Variants in GGNBP2 observed in about 807,000 individuals in gnomAD.
GGNBP2 encodes gametogenetin binding protein 2, also known as gametogenetin-binding protein 2.
A neutral mutation model predicts 85.9 loss-of-function variants in GGNBP2; 10 were observed. The ratio of observed to expected loss-of-function variants is 0.12; its 90% confidence interval spans 0.07 to 0.20. The LOEUF (loss-of-function observed/expected upper bound fraction) is 0.20, where lower values mean the gene tolerates loss of function less well. Among genes scored for constraint, GGNBP2 ranks in the 10% least tolerant of loss-of-function variants. The pLI, the probability that GGNBP2 is intolerant of heterozygous loss-of-function variation, is 1.00. For missense variants in GGNBP2, 595 were observed against 857.8 expected, an observed-to-expected ratio of 0.69 and a Z score of 3.83; for synonymous variants, 287 against 285.7, an observed-to-expected ratio of 1.00 and a Z score of -0.05.
intron 6 of GGNBP2, chr17:36,576,584 A>AAAAAAAT (rs1567830323): frequency 2.1e-5 from 1 of 47,150 alleles, no homozygotes; most frequent in African/African-American, 1.2e-4. Context: ...AAAAAAAAAA[A>AAAAAAAT]ATATATATAT....
At chr17:36,585,547 A>G (rs1473465870) in intron 10 of GGNBP2, 97 bp downstream of exon 10, 2 of 849,706 alleles carry the variant, frequency 2.4e-6, no homozygotes, top group Non-Finnish European at 3.7e-6. Flanking sequence ...CTAGAATTTT[A>G]AAACTGCTTT....
At chr17:36,561,308 G>A (rs985824132) in intron 5 of GGNBP2, among the ~76,000 whole-genome samples, 1 of 151,934 alleles carries the variant, frequency 6.6e-6, no homozygotes, top group African/African-American at 2.4e-5. Context: ...ATTTTTAGTA[G>A]ATATGGGGTT....
At chr17:36,585,987 C>T (rs2074696940) in intron 11 of GGNBP2, 22 bp downstream of exon 11, 2 of 1,613,736 alleles carry the variant, frequency 1.2e-6, no homozygotes, top group South Asian at 1.1e-5. Context: ...TTAAGTTTCC[C>T]AGTTATTTCT....
At chr17:36,579,035 C>T in intron 7 of GGNBP2, 1 of 508,274 alleles carries the variant, frequency 2.0e-6, no homozygotes, top group East Asian at 3.2e-5. Flanking sequence ...TTATTTTTAG[C>T]AATACGAGGA....
intron 5 of GGNBP2, among the ~76,000 whole-genome samples, chr17:36,565,708 C>G (rs924499376): frequency 2.9e-4 from 44 of 152,014 alleles, no homozygotes; most frequent in African/African-American, 1.0e-3. Context: ...CCAGCCTGGC[C>G]AATATGGCGA....
chr17:36,574,275 GA>G (rs1053473301), intron 6 of GGNBP2, among the ~76,000 whole-genome samples: 2 of 151,892 alleles, frequency 1.3e-5, no homozygotes, highest in African/African-American at 4.8e-5. Context: ...TTTTCCATGT[GA>G]AAAAAATATA....
intron 2 of GGNBP2, among the ~76,000 whole-genome samples, chr17:36,548,072 G>C (rs1422002247): frequency 6.6e-6 from 1 of 152,238 alleles, no homozygotes; most frequent in African/African-American, 2.4e-5. Flanking sequence ...GTGGATGCCT[G>C]AAGTTAACCT....
chr17:36,564,722 T>TC (rs1022349305), intron 5 of GGNBP2, among the ~76,000 whole-genome samples: 7 of 152,290 alleles, frequency 4.6e-5, no homozygotes, highest in Non-Finnish European at 1.0e-4. Flanking sequence ...ACTATGATTC[T>TC]CCATTTTATG....
chr17:36,585,247 G>A (rs1389557408), intron 9 of GGNBP2, 53 bp from the exon 10 acceptor site: 31 of 1,465,452 alleles, frequency 2.1e-5, no homozygotes, highest in African/African-American at 5.7e-5. Context: ...GGAATAAAAT[G>A]TAGCTGTTAT....
chr17:36,580,261 G>A (rs71376549), intron 8 of GGNBP2, among the ~76,000 whole-genome samples: 1 of 148,318 alleles, frequency 6.7e-6, no homozygotes, highest in East Asian at 2.1e-4. Flanking sequence ...AGGCTGGAGT[G>A]CAGTGGCATG....
At chr17:36,547,438 CAT>C (rs2074265747) in intron 2 of GGNBP2, 1 of 151,916 alleles carries the variant, frequency 6.6e-6, no homozygotes, top group Non-Finnish European at 1.5e-5. Context: ...CATATCAAAA[CAT>C]AGGGAAAACC....
chr17:36,554,610 G>T (rs150477624), intron 2 of GGNBP2, among the ~76,000 whole-genome samples: 6 of 151,636 alleles, frequency 4.0e-5, no homozygotes, highest in African/African-American at 1.5e-4. Flanking sequence ...CAGGTGATCC[G>T]CCGCCCCCCA....
intron 8 of GGNBP2, 79 bp downstream of exon 8, chr17:36,579,498 G>A: frequency 8.1e-7 from 1 of 1,228,910 alleles, no homozygotes; most frequent in Non-Finnish European, 1.2e-6. Context: ...AGCCACCAGT[G>A]CCTAAAAGGA....
intron 5 of GGNBP2, among the ~76,000 whole-genome samples, chr17:36,561,875 G>A (rs1219196135): frequency 6.6e-6 from 1 of 152,000 alleles, no homozygotes; most frequent in African/African-American, 2.4e-5. Context: ...CGCCCACCTC[G>A]GCCTCCCAAA....
chr17:36,580,918 CAAAA>C (rs201738616), intron 8 of GGNBP2, among the ~76,000 whole-genome samples: 1 of 133,964 alleles, frequency 7.5e-6, no homozygotes, highest in Non-Finnish European at 1.6e-5. Context: ...GACTCTGTCT[CAAAA>C]AAAAAAAAAA....
chr17:36,587,676 C>G (rs1327283081), intron 13 of GGNBP2: 1 of 178,810 alleles, frequency 5.6e-6, no homozygotes, highest in Non-Finnish European at 1.2e-5. Flanking sequence ...ATCATGAGGT[C>G]AAGAGATCAA....
At chr17:36,560,688 C>T in intron 4 of GGNBP2, 85 bp from the exon 5 acceptor site, 1 of 768,524 alleles carries the variant, frequency 1.3e-6, no homozygotes, top group East Asian at 3.0e-5. Flanking sequence ...TGTTTTGAGA[C>T]TTCTCTCTAA....
At chr17:36,572,777 A>G (rs1457690246) in intron 6 of GGNBP2, among the ~76,000 whole-genome samples, 1 of 152,220 alleles carries the variant, frequency 6.6e-6, no homozygotes, top group Non-Finnish European at 1.5e-5. Flanking sequence ...ACATTGTTGT[A>G]CAACAGATCT....
chr17:36,559,599 T>C lies in GGNBP2; in HGVS notation c.429-1174T>C, dbSNP rs548065931. 2.6e-5 allele frequency among the ~76,000 whole-genome samples: 4 copies of C among 152,034 alleles called. No homozygotes were observed. The South Asian group carries it at 8.3e-4, about 32-fold the overall frequency. Reference sequence around the variant, plus strand: ...GGGCTTGAGAAAATAAGCCTTGGAGTGTTTTTGAACAGAGGAATAATGTAA... The same window carrying C: ...GGGCTTGAGAAAATAAGCCTTGGAGCGTTTTTGAACAGAGGAATAATGTAA... On this transcript the variant is annotated intron_variant, in intron 4 of 13. Transcript: ENST00000613102.
Sources: allele counts gnomAD v4.1 joint callset (sites outside exome capture counted in the v4.1 genomes callset), GRCh38; gene constraint gnomAD v4.1.1; transcripts MANE v1.5; gene names NCBI Gene and HGNC (gene_info 2026-07-23, HGNC 2026-07-21).